Variants in GABBR2 observed in about 807,000 individuals in gnomAD.
GABBR2 encodes the protein G-protein coupled receptor 51.
GABBR2 carries 23 observed loss-of-function variants against 105.6 expected under a neutral mutation model. The ratio of observed to expected loss-of-function variants is 0.22; its 90% CI spans 0.16 to 0.31. The LOEUF (loss-of-function observed/expected upper bound fraction) is 0.31. Ranked by LOEUF, GABBR2 falls within the 10% of genes least tolerant of loss-of-function variation. GABBR2 has a pLI of 1.00. For synonymous variants in GABBR2, 478 were observed against 499.7 expected (o/e 0.96, Z 0.58); for missense variants, 734 against 1,245.5 (o/e 0.59, Z 6.18).
chr9:98,589,536 C>G (rs10986852), intron 1 of GABBR2, among the ~76,000 whole-genome samples: 1 of 151,904 alleles, frequency 6.6e-6, no homozygotes, highest in African/African-American at 2.4e-5. Context: ...ACCTGGGGAA[C>G]TATTAAAGAA....
chr9:98,488,938 C>T (rs1192688205), intron 4 of GABBR2, among the ~76,000 whole-genome samples: 1 of 152,132 alleles, frequency 6.6e-6, no homozygotes. Flanking sequence ...AGTTTCTCTA[C>T]CTATAAAATG....
intron 13 of GABBR2, among the ~76,000 whole-genome samples, chr9:98,323,029 G>T (rs188966608): frequency 1.3e-5 from 2 of 152,008 alleles, no homozygotes; most frequent in African/African-American, 4.8e-5. Context: ...CCGCAGACAC[G>T]AGCGCCAGCA....
At chr9:98,492,761 G>A (rs1827203565) in intron 4 of GABBR2, among the ~76,000 whole-genome samples, 1 of 152,178 alleles carries the variant, frequency 6.6e-6, no homozygotes, top group Admixed American at 6.5e-5. Context: ...TTAGACTGGG[G>A]TTATGGGATT....
chr9:98,526,512 G>A (rs903460365), intron 3 of GABBR2, among the ~76,000 whole-genome samples: 1 of 151,994 alleles, frequency 6.6e-6, no homozygotes, highest in African/African-American at 2.4e-5. Flanking sequence ...TCTCTGCATG[G>A]GATTTCCTAC....
chr9:98,573,538 C>T (rs1049725807), intron 2 of GABBR2, among the ~76,000 whole-genome samples: 5 of 152,194 alleles, frequency 3.3e-5, no homozygotes, highest in South Asian at 2.1e-4. Flanking sequence ...CCTGCCTTGG[C>T]CTCCCAAAGC....
chr9:98,663,301 G>C (rs1049238941), intron 1 of GABBR2, among the ~76,000 whole-genome samples: 1 of 152,080 alleles, frequency 6.6e-6, no homozygotes, highest in Non-Finnish European at 1.5e-5. Flanking sequence ...AAAGGCACAG[G>C]GTCATGGAGA....
chr9:98,583,201 A>C (rs1389069737), intron 1 of GABBR2, among the ~76,000 whole-genome samples: 1 of 152,240 alleles, frequency 6.6e-6, no homozygotes, highest in Non-Finnish European at 1.5e-5. Flanking sequence ...AATAAATCAC[A>C]TGGATATATC....
chr9:98,635,616 T>C (rs1829864928), intron 1 of GABBR2, among the ~76,000 whole-genome samples: 1 of 152,096 alleles, frequency 6.6e-6, no homozygotes, highest in African/African-American at 2.4e-5. Flanking sequence ...AGGGCAGGCT[T>C]CTAGAAAGAG....
intron 2 of GABBR2, among the ~76,000 whole-genome samples, chr9:98,575,308 G>T (rs1828891553): frequency 6.6e-6 from 1 of 152,202 alleles, no homozygotes; most frequent in East Asian, 1.9e-4. Context: ...ACTGGGTATA[G>T]GAAGAATGGG....
chr9:98,707,860 G>T (rs993278908), intron 1 of GABBR2, among the ~76,000 whole-genome samples: 4 of 152,220 alleles, frequency 2.6e-5, no homozygotes, highest in Non-Finnish European at 5.9e-5. Context: ...CGCGCGGAGC[G>T]GGCTCAGAGC....
intron 3 of GABBR2, 95 bp from the exon 4 acceptor site, chr9:98,496,609 C>A: frequency 1.3e-6 from 1 of 783,466 alleles, no homozygotes. Context: ...TTGGGCAAAG[C>A]GATTTTCTCT....
intron 5 of GABBR2, among the ~76,000 whole-genome samples, chr9:98,480,372 T>C: frequency 6.6e-6 from 1 of 152,190 alleles, no homozygotes; most frequent in East Asian, 1.9e-4. Flanking sequence ...GGCTCTGCCA[T>C]GAATTGGCTG....
chr9:98,441,582 G>A (rs1223671787), intron 7 of GABBR2, among the ~76,000 whole-genome samples: 1 of 152,154 alleles, frequency 6.6e-6, no homozygotes, highest in Non-Finnish European at 1.5e-5. Context: ...GGCTAGGCTG[G>A]TCTAGAACTC....
chr9:98,605,896 G>A (rs932766960), intron 1 of GABBR2, among the ~76,000 whole-genome samples: 12 of 152,196 alleles, frequency 7.9e-5, no homozygotes, highest in Middle Eastern at 3.4e-3. Flanking sequence ...TTTACGTTAG[G>A]TATATCTCCT....
At chr9:98,685,383 C>A (rs1478394928) in intron 1 of GABBR2, among the ~76,000 whole-genome samples, 1 of 152,212 alleles carries the variant, frequency 6.6e-6, no homozygotes, top group Non-Finnish European at 1.5e-5. Context: ...TGTGGGACTT[C>A]ACCTTGTGAT....
intron 7 of GABBR2, among the ~76,000 whole-genome samples, chr9:98,433,825 CCTG>C (rs1825854834): frequency 6.6e-6 from 1 of 152,098 alleles, no homozygotes; most frequent in Admixed American, 6.5e-5. Context: ...ACAATGTGGT[CCTG>C]ATCTCAGGGA....
At chr9:98,590,011 G>A (rs1829125384) in intron 1 of GABBR2, among the ~76,000 whole-genome samples, 1 of 152,178 alleles carries the variant, frequency 6.6e-6, no homozygotes, top group Admixed American at 6.5e-5. Context: ...TAACAGGCAT[G>A]AGCCATCATG....
chr9:98,487,613 A>AATATAT (rs113902571), intron 4 of GABBR2, among the ~76,000 whole-genome samples: 22 of 149,398 alleles, frequency 1.5e-4, no homozygotes, highest in African/African-American at 5.4e-4. Context: ...TGTCTCTACA[A>AATATAT]ATATATATAT....
chr9:98,462,442 AAATCAGTAAG>A (rs1175454420), intron 6 of GABBR2, among the ~76,000 whole-genome samples: 38 of 152,228 alleles, frequency 2.5e-4, no homozygotes, highest in Non-Finnish European at 4.1e-4. Flanking sequence ...GGAATTCTAC[AAATCAGTAAG>A]AAACAGGCAG....
Sources: allele counts gnomAD v4.1 joint callset (sites outside exome capture counted in the v4.1 genomes callset), GRCh38; gene constraint gnomAD v4.1.1; transcripts MANE v1.5; gene names NCBI Gene and HGNC (gene_info 2026-07-23, HGNC 2026-07-21).